Variants in TPH1 observed in about 807,000 individuals in gnomAD.
The protein encoded by TPH1 is tryptophan 5-hydroxylase 1.
A neutral mutation model predicts 49.5 loss-of-function variants in TPH1; 37 were observed. The ratio of observed to expected loss-of-function variants is 0.75; its 90% CI spans 0.58 to 0.98. The LOEUF (loss-of-function observed/expected upper bound fraction) is 0.98, where lower values mean the gene tolerates loss of function less well. Among genes scored for constraint, TPH1 ranks in the 50% least tolerant of loss-of-function variants. TPH1 has a pLI of 0.00. For missense variants in TPH1, 487 were observed against 523.6 expected, an observed-to-expected ratio of 0.93 and a Z score of 0.68; for synonymous variants, 160 against 182.1, an observed-to-expected ratio of 0.88 and a Z score of 0.98.
intron 1 of TPH1, among the ~76,000 whole-genome samples, 37 bp downstream of exon 1, chr11:18,046,204 G>A (rs981773091): frequency 2.0e-5 from 3 of 152,186 alleles, no homozygotes; most frequent in African/African-American, 4.8e-5. Flanking sequence ...CCTCGACGGC[G>A]GTCCCCGGTG....
rs1206358061 is a variant in TPH1 at position 18,029,540 on chromosome 11, A to G, written c.442T>C (p.Phe148Leu). The change falls in exon 5 of 11, where the codon TTT becomes CTT. Residue 148 changes from phenylalanine (F) to leucine (L), a missense_variant. By Grantham distance (22) the Phe-to-Leu change is conservative (BLOSUM62 0). Coordinates refer to ENST00000682019, the MANE Select transcript of TPH1 (RefSeq NM_004179.3). ...TTATAGTTCATAGCCAAGTCCGCAAAATACTTTCGACGTTTACGGTAGACA... is the reference window on the plus strand; with the variant it reads ...TTATAGTTCATAGCCAAGTCCGCAAGATACTTTCGACGTTTACGGTAGACA... ...DNVYRKRRKY[F>L]ADLAMNYKHG... is the part of the protein sequence containing the mutation. 3.1e-6 allele frequency: 5 copies of G among 1,613,164 alleles called. No homozygotes were observed. The African/African-American group carries it at 6.7e-5, about 22-fold the overall frequency.
At position 18,026,495 on chromosome 11, in the gene TPH1, T is replaced by G; in HGVS notation, c.798A>C (p.Pro266=). 1 of 1,609,678 alleles carries G rather than the reference T, an allele frequency of 6.2e-7. No homozygotes were observed. Among genetic ancestry groups the G allele is most frequent in the Non-Finnish European group, 8.5e-7 (1 of 1,177,644 alleles). ...VRHSSDPFYT[P]EPDTCHELLG... ...GCTGAAATAGAAGTACTTACGGCTC[T>G]GGGGTATAGAAGGGATCTGAACTGT... Residue 266 remains proline (P), a synonymous_variant, in exon 7 of 11, where the codon CCA becomes CCC. Coordinates refer to ENST00000682019, the MANE Select transcript of TPH1 (RefSeq NM_004179.3).
In TPH1 at chr11:18,022,847, C is replaced by G. The variant is rs1158999361; in HGVS notation, c.1111G>C (p.Asp371His). 1 of 1,613,548 alleles carries G rather than the reference C, an allele frequency of 6.2e-7. No homozygotes were observed. Among genetic ancestry groups the G allele is most frequent in the East Asian group, 2.2e-5 (1 of 44,856 alleles). The change falls in exon 10 of 11, where the codon GAT becomes CAT. Residue 371 changes from aspartate to histidine, a missense_variant. Physicochemically the swap from Asp to His is moderately conservative, Grantham distance 81. Coordinates refer to ENST00000682019, the MANE Select transcript of TPH1 (RefSeq NM_004179.3). ...AAACTTTCAGATACAAAGTAGACAT[C>G]TTGAAAAGTTGTGATAAGACATTCC... is the stretch of plus-strand genomic sequence containing the variant. ...KQECLITTFQ[D>H]VYFVSESFED...
rs1565234261 is a variant in TPH1 at position 18,021,024 on chromosome 11, G to GAACATCGA, written c.1301_1302insTCGATGTT (p.Leu435ArgfsTer23). ...TCGGCTTCCTGCTGACCTTAGCAAG[G>GAACATCGA]GCATCACTGACAACATCGAGATCAT... On this transcript the variant is annotated frameshift_variant, in exon 11 of 11. Transcript: ENST00000682019. LOFTEE classifies it high-confidence loss of function. 1 of 1,613,966 alleles carries GAACATCGA rather than the reference G, an allele frequency of 6.2e-7. No individual in the cohort carries two copies. Among genetic ancestry groups the GAACATCGA allele is most frequent in the Non-Finnish European group, 8.5e-7 (1 of 1,179,960 alleles).
intron 1 of TPH1, among the ~76,000 whole-genome samples, chr11:18,045,227 C>T (rs1476530541): frequency 2.6e-5 from 4 of 152,168 alleles, no homozygotes; most frequent in South Asian, 2.1e-4. Context: ...GAATCCTCTA[C>T]GGAGTCTTGA....
chr11:18,040,709 T>G lies in TPH1; in HGVS notation c.54A>C (p.Ala18=). Residue 18 remains alanine, a synonymous_variant, in exon 2 of 11, where the codon GCA becomes GCC. Transcript: ENST00000682019. The part of the protein sequence containing the change: ...NKDHSLERGR[A]SLIFSLKNEV... ...CATTCTTTAAGGAAAAAATGAGACT[T>G]GCTCTTCCCCTTTCTAAGGAATGGT... 6.2e-7 allele frequency: 1 copy of G among 1,612,634 alleles called. No homozygotes were observed. The highest frequency in any genetic ancestry group is 1.1e-5 in the South Asian group (1 of 90,966).
In TPH1 at chr11:18,034,590, A is replaced by T. The variant is rs150017883; in HGVS notation, c.302-1216T>A. ...TTGGGGAAGTAGCTCTCTGCCAGCC[A>T]GAAGTGGAGATATATCAGTATTTTA... On this transcript the variant is annotated intron_variant, in intron 3 of 10. Transcript: ENST00000682019. 9.8e-5 allele frequency among the ~76,000 whole-genome samples: 15 copies of T among 152,330 alleles called. No homozygotes were observed. In the East Asian group the frequency reaches 2.9e-3, roughly 29 times the overall value.
At chr11:18,045,370 C>A (rs138012221) in intron 1 of TPH1, among the ~76,000 whole-genome samples, 2 of 152,132 alleles carry the variant, frequency 1.3e-5, no homozygotes, top group African/African-American at 4.8e-5. Context: ...GAAGACACAT[C>A]CCTATCTGGA....
intron 4 of TPH1, 136 bp from the exon 5 acceptor site, chr11:18,029,715 A>G: frequency 1.4e-6 from 1 of 704,600 alleles, no homozygotes; most frequent in Non-Finnish European, 2.4e-6. Flanking sequence ...AGCATTATTT[A>G]GAGATTTATG....
At chr11:18,032,053 G>T (rs2134029980) in intron 4 of TPH1, among the ~76,000 whole-genome samples, 1 of 152,214 alleles carries the variant, frequency 6.6e-6, no homozygotes, top group Non-Finnish European at 1.5e-5. Context: ...AGAATAATTG[G>T]ACAGATCATC....
At chr11:18,044,551 C>A (rs58823886) in intron 1 of TPH1, among the ~76,000 whole-genome samples, 9,453 of 151,630 alleles carry the variant, frequency 0.062, 999 homozygotes, top group African/African-American at 0.22. Flanking sequence ...TTCCCCCCCA[C>A]CCCAAAATAA....
chr11:18,024,887 C>T (rs528184412), intron 8 of TPH1, among the ~76,000 whole-genome samples: 1 of 152,320 alleles, frequency 6.6e-6, no homozygotes, highest in East Asian at 1.9e-4. Flanking sequence ...TCCTTGTGTG[C>T]CCTCATCCTG....
Position 18,023,899 on chromosome 11 carries a change from T to G in TPH1, c.1015A>C (p.Ser339Arg). 1.2e-6 allele frequency: 2 copies of G among 1,612,556 alleles called. No homozygotes were observed. Among genetic ancestry groups the G allele is most frequent in the Non-Finnish European group, 1.7e-6 (2 of 1,178,926 alleles). The change falls in exon 9 of 11, where the codon AGT becomes CGT. Residue 339 changes from serine to arginine, a missense_variant. Ser to Arg is a moderately radical substitution (Grantham distance 110, BLOSUM62 -1). Coordinates refer to ENST00000682019, the MANE Select transcript of TPH1 (RefSeq NM_004179.3). Reference sequence around the variant, plus strand: ...TTTGCAACTCTTACTTTGAGTTCACTGATAGAAGAAAGTAAGCCAGCACCA... The same window carrying G: ...TTTGCAACTCTTACTTTGAGTTCACGGATAGAAGAAAGTAAGCCAGCACCA... ...VFGAGLLSSI[S>R]ELKHALSGHA...
At chr11:18,036,959 T>A (rs182029502) in intron 2 of TPH1, among the ~76,000 whole-genome samples, 109 of 152,146 alleles carry the variant, frequency 7.2e-4, no homozygotes, top group Admixed American at 2.8e-3. Context: ...GAAAATAAAG[T>A]AAAGAGTGTT....
intron 1 of TPH1, among the ~76,000 whole-genome samples, chr11:18,041,940 A>C (rs976494352): frequency 6.6e-6 from 1 of 152,208 alleles, no homozygotes; most frequent in African/African-American, 2.4e-5. Context: ...CTTGCCTCCA[A>C]ATAATTCACA....
chr11:18,033,120 G>A (rs556401648), intron 4 of TPH1, among the ~76,000 whole-genome samples, 154 bp downstream of exon 4: 1 of 152,242 alleles, frequency 6.6e-6, no homozygotes, highest in East Asian at 1.9e-4. Context: ...GGGTGTGGTT[G>A]TGGGCACCTG....
intron 1 of TPH1, among the ~76,000 whole-genome samples, chr11:18,042,185 A>C (rs1276055283): frequency 6.6e-6 from 1 of 152,214 alleles, no homozygotes; most frequent in Non-Finnish European, 1.5e-5. Flanking sequence ...ATGGATGAGA[A>C]GCAGGAGATC....
intron 3 of TPH1, among the ~76,000 whole-genome samples, chr11:18,035,679 G>A (rs1030676841): frequency 6.6e-6 from 1 of 151,914 alleles, no homozygotes; most frequent in African/African-American, 2.4e-5. Context: ...GTCTGCCTCG[G>A]CTTGCCAAAG....
rs1377232450 is a variant in TPH1, at chr11:18,017,882, A to G, written c.*3109T>C. 1.3e-5 allele frequency: 2 copies of G among 152,250 alleles called. No individual in the cohort carries two copies. Among genetic ancestry groups the G allele is most frequent in the African/African-American group, 2.4e-5 (1 of 41,460 alleles). 9.4% of individuals were successfully genotyped at this position (152,250 alleles called of 1,614,324 possible). A position where few individuals can be genotyped will look rare whatever the true frequency, so the allele number is the denominator to read the frequency against. ...GAAGACCAGCTTTTGAGCATCCTTA[A>G]GAAGTCATGAAGATATTAACTATGT... is the stretch of plus-strand genomic sequence containing the variant. On this transcript the variant is annotated 3_prime_UTR_variant, in exon 11 of 11. Transcript: ENST00000682019.
Sources: gnomAD v4.1 joint callset for allele counts (sites outside exome capture counted in the v4.1 genomes callset) on GRCh38, gnomAD v4.1.1 for gene constraint, MANE v1.5 for transcripts, NCBI Gene and HGNC (gene_info 2026-07-23, HGNC 2026-07-21) for gene names.